DPH6: variants seen among roughly 807,000 people sequenced by gnomAD.
The protein encoded by DPH6 is diphthine--ammonia ligase.
Under a neutral mutation model 38.2 loss-of-function variants are expected in DPH6, and 33 were observed. The ratio of observed to expected loss-of-function variants is 0.86; its 90% CI spans 0.65 to 1.15. The LOEUF is 1.15. DPH6 is among the 50% of genes most tolerant of loss of function. DPH6 has a pLI of 0.00. For synonymous variants in DPH6, 108 were observed against 103.0 expected (o/e 1.05, Z -0.30); for missense variants, 325 against 320.0 (o/e 1.02, Z -0.12).
chr15:35,333,316 G>A (rs1301132294), intron 3 of DPH6, among the ~76,000 whole-genome samples: 1 of 152,038 alleles, frequency 6.6e-6, no homozygotes, highest in African/African-American at 2.4e-5. Context: ...ATGCAAAGGA[G>A]CAAAAGTATT....
the DPH6 span, among the ~76,000 whole-genome samples, chr15:35,186,937 T>C: frequency 1.3e-5 from 2 of 152,244 alleles, no homozygotes; most frequent in Non-Finnish European, 2.9e-5. Context: ...ATGTAAAGAA[T>C]AGTATGATGA....
intron 5 of DPH6, among the ~76,000 whole-genome samples, chr15:35,437,027 C>G (rs2053725593): frequency 6.6e-6 from 1 of 151,690 alleles, no homozygotes; most frequent in Non-Finnish European, 1.5e-5. Context: ...TGGGTAACAG[C>G]AGATAATCCC....
intron 3 of DPH6, among the ~76,000 whole-genome samples, chr15:35,229,607 GT>G (rs949235539): frequency 6.6e-6 from 1 of 152,106 alleles, no homozygotes; most frequent in African/African-American, 2.4e-5. Flanking sequence ...ATTTATAGAT[GT>G]TTGTCTGTGT....
the DPH6 span, among the ~76,000 whole-genome samples, chr15:35,161,974 T>C: frequency 6.6e-6 from 1 of 151,968 alleles, no homozygotes; most frequent in East Asian, 1.9e-4. Context: ...GCAGTATTTA[T>C]GCACTTGCTC....
At chr15:35,436,263 A>G (rs112166874) in intron 5 of DPH6, among the ~76,000 whole-genome samples, 5,181 of 150,154 alleles carry the variant, frequency 0.035, 178 homozygotes, top group African/African-American at 0.093. Flanking sequence ...TCAGGAGATC[A>G]AGACCATCTT....
intron 3 of DPH6, chr15:35,521,425 C>A: frequency 8.8e-7 from 1 of 1,133,874 alleles, no homozygotes; most frequent in Non-Finnish European, 1.1e-6. Flanking sequence ...AGTAAATGAA[C>A]AAATTCAGAA....
intron 3 of DPH6, among the ~76,000 whole-genome samples, chr15:35,277,891 A>C (rs1191748218): frequency 1.3e-5 from 2 of 152,210 alleles, no homozygotes; most frequent in South Asian, 2.1e-4. Context: ...GGCTGCTTCT[A>C]AGAGCCTATC....
intron 5 of DPH6, among the ~76,000 whole-genome samples, chr15:35,436,487 AACAAAACAAAACAAAACAAAACAAAAC>A (rs2053709343): frequency 3.3e-5 from 1 of 30,314 alleles, no homozygotes; most frequent in African/African-American, 1.3e-4. Flanking sequence ...ACAAAAACAA[AACAAAACAAAACAAAACAAAACAAAAC>A]AAAAAAGGTT....
chr15:35,182,170 G>A, the DPH6 span, among the ~76,000 whole-genome samples: 3 of 130,144 alleles, frequency 2.3e-5, no homozygotes, highest in Non-Finnish European at 4.7e-5. Flanking sequence ...ACATGTATAA[G>A]TATAATAACA....
intron 5 of DPH6, among the ~76,000 whole-genome samples, chr15:35,442,323 T>C (rs898012898): frequency 9.9e-5 from 15 of 152,068 alleles, no homozygotes; most frequent in Non-Finnish European, 8.8e-5. Flanking sequence ...AAAACCACAA[T>C]GAGATAAGAC....
intron 3 of DPH6, among the ~76,000 whole-genome samples, chr15:35,471,757 T>C (rs1019561570): frequency 3.9e-5 from 6 of 152,076 alleles, no homozygotes; most frequent in Non-Finnish European, 8.8e-5. Context: ...TGATCAGAAG[T>C]AAGCTCTCTC....
chr15:35,467,329 C>A (rs1234831899), intron 3 of DPH6, among the ~76,000 whole-genome samples: 3 of 152,212 alleles, frequency 2.0e-5, no homozygotes, highest in East Asian at 3.9e-4. Context: ...CTTTGGGAGG[C>A]CAAGGCAGGC....
chr15:35,334,462 G>C (rs1263217894), intron 3 of DPH6, among the ~76,000 whole-genome samples: 1 of 151,998 alleles, frequency 6.6e-6, no homozygotes, highest in Non-Finnish European at 1.5e-5. Context: ...ATAGGTAAAT[G>C]TGTGCCATGG....
At chr15:35,215,370 C>A (rs947943952), downstream of DPH6, among the ~76,000 whole-genome samples, 3 of 152,188 alleles carry the variant, frequency 2.0e-5, no homozygotes, top group African/African-American at 7.2e-5. Flanking sequence ...GTACATATAA[C>A]CTAAACTATT....
chr15:35,285,872 G>GTTGTTTTTTTTTTT (rs1555391170), intron 3 of DPH6, among the ~76,000 whole-genome samples: 1 of 52,794 alleles, frequency 1.9e-5, no homozygotes, highest in African/African-American at 7.5e-5. Flanking sequence ...TTATCTTTGA[G>GTTGTTTTTTTTTTT]TTTTTTTTTT....
At chr15:35,489,982 A>C in intron 3 of DPH6, 2 of 985,194 alleles carry the variant, frequency 2.0e-6, no homozygotes, top group Non-Finnish European at 2.4e-6. Context: ...TTTAATATGC[A>C]TAAGCCCAGA....
chr15:35,397,877 A>ACG (rs2053164780), intron 6 of DPH6, among the ~76,000 whole-genome samples: 3 of 148,818 alleles, frequency 2.0e-5, no homozygotes, highest in South Asian at 4.3e-4. Context: ...ATACACACAC[A>ACG]CACACACACA....
intron 6 of DPH6, among the ~76,000 whole-genome samples, chr15:35,386,297 G>A (rs1330004531): frequency 2.0e-5 from 3 of 152,150 alleles, no homozygotes; most frequent in Non-Finnish European, 2.9e-5. Flanking sequence ...GAATAGTGCT[G>A]CAATAAACAT....
intron 3 of DPH6, among the ~76,000 whole-genome samples, chr15:35,353,518 A>G (rs916799659): frequency 6.6e-6 from 1 of 152,126 alleles, no homozygotes; most frequent in Non-Finnish European, 1.5e-5. Flanking sequence ...TTTTCCCAGC[A>G]CCATTTGTTA....
Sources: gnomAD v4.1 joint callset for allele counts (sites outside exome capture counted in the v4.1 genomes callset) on GRCh38, gnomAD v4.1.1 for gene constraint, MANE v1.5 for transcripts, NCBI Gene and HGNC (gene_info 2026-07-23, HGNC 2026-07-21) for gene names.